The following MAG variants were observed in gnomAD, a reference collection of about 807,000 sequenced individuals.
MAG encodes the protein myelin-associated glycoprotein.
Under a neutral mutation model 60.7 loss-of-function variants are expected in MAG, and 30 were observed. The observed-to-expected ratio is 0.49, with a 90% CI of 0.37 to 0.67. The LOEUF is 0.67. Among genes scored for constraint, MAG ranks in the 30% least tolerant of loss-of-function variants. MAG has a pLI of 0.00. For synonymous variants in MAG, 384 were observed against 376.8 expected (o/e 1.02, Z -0.22); for missense variants, 795 against 851.7 (o/e 0.93, Z 0.83).
At position 35,313,457 on chromosome 19, in the gene MAG, G is replaced by C; in HGVS notation, c.*3G>C. 1.9e-6 allele frequency: 3 copies of C among 1,610,426 alleles called. No individual in the cohort carries two copies. Among genetic ancestry groups the C allele is most frequent in the Non-Finnish European group, 1.7e-6 (2 of 1,178,392 alleles). On this transcript the variant is annotated 3_prime_UTR_variant, in exon 11 of 11. Coordinates refer to ENST00000392213, the MANE Select transcript of MAG (RefSeq NM_002361.4). ...ATGCTGAAATCCGGGTCAAGTGAAG[G>C]AGCTGGGGGCAGCCTGCGTGGCTGA...
chr19:35,300,354 C>A lies in MAG; in HGVS notation c.920C>A (p.Ala307Asp), dbSNP rs766654454. The A allele has an allele frequency of 6.3e-7, 1 of 1,596,860 alleles. No individual in the cohort carries two copies. The highest frequency in any genetic ancestry group is 8.5e-7 in the Non-Finnish European group (1 of 1,178,026). ...GAAGACGGCGTCTATGCCTGCCTGG[C>A]CGAGAATGCCTATGGCCAGGACAAC... ...PAEDGVYACLAENAYGQDNRT... is the reference protein window; with the variant it reads ...PAEDGVYACLDENAYGQDNRT... The change falls in exon 6 of 11, where the codon GCC becomes GAC. Residue 307 changes from alanine to aspartate, a missense_variant. Physicochemically the swap from Ala to Asp is moderately radical, Grantham distance 126 (BLOSUM62 -2). Transcript: ENST00000392213.
In MAG at chr19:35,299,754, C is replaced by G; in HGVS notation, c.616C>G (p.Pro206Ala). Residue 206 changes from proline to alanine, a missense_variant, in exon 5 of 11, where the codon CCC becomes GCC. Transcript: ENST00000392213. ...GCAGGTGTCACTGCTGCACTTCGTG[C>G]CCACGAGGGAGGCCAACGGCCACAG... Reference protein sequence around the residue: ...WVQVSLLHFVPTREANGHRLG... With the variant: ...WVQVSLLHFVATREANGHRLG... The G allele has an allele frequency of 6.4e-7, 1 of 1,555,290 alleles. No homozygotes were observed. Among genetic ancestry groups the G allele is most frequent in the Non-Finnish European group, 8.7e-7 (1 of 1,153,088 alleles).
chr19:35,293,767 G>A lies in MAG; in HGVS notation c.-79-468G>A, dbSNP rs181906840. Among the ~76,000 whole-genome samples, 26 of 152,106 alleles carry A rather than the reference G, an allele frequency of 1.7e-4. No individual in the cohort carries two copies. In the East Asian group the frequency reaches 1.7e-3, roughly 10 times the overall value. On this transcript the variant is annotated intron_variant, in intron 1 of 10. Coordinates refer to ENST00000392213, the MANE Select transcript of MAG (RefSeq NM_002361.4). The surrounding 1 kb of genome is among the most constrained non-coding windows in gnomAD (Gnocchi z 4.0). ...CCGCAGGCTAAAACACCCTCTCCCCGAGGGAACAGGACTCTTTTGTACCGG... is the reference window on the plus strand; with the variant it reads ...CCGCAGGCTAAAACACCCTCTCCCCAAGGGAACAGGACTCTTTTGTACCGG...
chr19:35,312,006 G>C lies in MAG; in HGVS notation c.1705G>C (p.Glu569Gln), dbSNP rs2066531453. 1 of 1,612,492 alleles carries C rather than the reference G, an allele frequency of 6.2e-7. No homozygotes were observed. Among genetic ancestry groups the C allele is most frequent in the Non-Finnish European group, 8.5e-7 (1 of 1,179,232 alleles). Residue 569 changes from glutamate (E) to glutamine (Q), a missense_variant, in exon 10 of 11, where the codon GAG becomes CAG. Coordinates refer to ENST00000392213, the MANE Select transcript of MAG (RefSeq NM_002361.4). ...CGACTTCCGCATCTCTGGGGCACCA[G>C]AGAAGTACGAGGTAAGGACCAGGCT... ...SSDFRISGAP[E>Q]KYESERRLGS...
Position 35,309,884 on chromosome 19 carries a change from G to C in MAG, c.1242G>C (p.Val414=), listed in dbSNP as rs762616027. 3 of 1,610,152 alleles carry C rather than the reference G, an allele frequency of 1.9e-6. No individual in the cohort carries two copies. The highest frequency in any genetic ancestry group is 1.3e-5 in the African/African-American group (1 of 74,894). Residue 414 remains valine, a synonymous_variant, in exon 8 of 11, where the codon GTG becomes GTC. Coordinates refer to ENST00000392213, the MANE Select transcript of MAG (RefSeq NM_002361.4). ...ATTTTGCCCCTGCAGTCGCCCCTGT[G>C]CTCCTCCTGGAGTCCCACTGCGCGG... ...AFNLSVEFAP[V]LLLESHCAAA...
chr19:35,302,827 A>C (rs895024041), intron 7 of MAG, 119 bp downstream of exon 7: 3 of 1,236,258 alleles, frequency 2.4e-6, no homozygotes, highest in Non-Finnish European at 3.4e-6. Flanking sequence ...CGCAGAGACA[A>C]GGAAGGGAGG....
At chr19:35,306,238 C>A (rs1219011097) in intron 7 of MAG, among the ~76,000 whole-genome samples, 1 of 137,270 alleles carries the variant, frequency 7.3e-6, no homozygotes, top group African/African-American at 2.7e-5. Flanking sequence ...ACTAAGAGAA[C>A]AATACTGAGT....
Position 35,295,487 on chromosome 19 carries a change from C to A in MAG, c.46+33C>A. 6.2e-7 allele frequency: 1 copy of A among 1,613,628 alleles called. No homozygotes were observed. Among genetic ancestry groups the A allele is most frequent in the Non-Finnish European group, 8.5e-7 (1 of 1,179,840 alleles). On this transcript the variant is annotated intron_variant, in intron 3 of 10. Coordinates refer to ENST00000392213, the MANE Select transcript of MAG (RefSeq NM_002361.4). This position sits in a 1 kb window ranked among gnomAD's most constrained non-coding sequence, Gnocchi z 5.8. Reference sequence around the variant, plus strand: ...CTGACAGGTGCTGGGGACCTAAAGGCTTTGGCCCCTGAGCAGGTTGGAGGT... The same window carrying A: ...CTGACAGGTGCTGGGGACCTAAAGGATTTGGCCCCTGAGCAGGTTGGAGGT...
chr19:35,304,573 C>T (rs962752245), intron 7 of MAG, among the ~76,000 whole-genome samples: 1 of 152,100 alleles, frequency 6.6e-6, no homozygotes, highest in Admixed American at 6.5e-5. Context: ...CTGAGTCTCG[C>T]TCTGTCACCC....
chr19:35,302,832 G>C, intron 7 of MAG, 124 bp downstream of exon 7: 1 of 1,164,182 alleles, frequency 8.6e-7, no homozygotes, highest in Non-Finnish European at 1.2e-6. Context: ...AGACAAGGAA[G>C]GGAGGGCAGG....
chr19:35,309,962 G>A lies in MAG; in HGVS notation c.1320G>A (p.Pro440=), dbSNP rs200859170. 3 of 1,614,030 alleles carry A rather than the reference G, an allele frequency of 1.9e-6. No homozygotes were observed. Among genetic ancestry groups the A allele is most frequent in the Non-Finnish European group, 2.5e-6 (3 of 1,179,946 alleles). Residue 440 remains proline, a synonymous_variant, in exon 8 of 11, where the codon CCG becomes CCA. Transcript: ENST00000392213. ...GCGTGGTGAAGTCCAACCCGGAGCCGTCCGTGGCCTTTGAGCTGCCATCGC... is the reference window on the plus strand; with the variant it reads ...GCGTGGTGAAGTCCAACCCGGAGCCATCCGTGGCCTTTGAGCTGCCATCGC... ...CLCVVKSNPE[P]SVAFELPSRN... is the part of the protein sequence containing the mutation.
chr19:35,304,234 C>T (rs184641141), intron 7 of MAG, among the ~76,000 whole-genome samples: 27 of 152,244 alleles, frequency 1.8e-4, no homozygotes, highest in Admixed American at 1.2e-3. Flanking sequence ...GATCCTGGCG[C>T]GGGGCTGCGT....
intron 7 of MAG, among the ~76,000 whole-genome samples, chr19:35,304,229 T>C (rs1040106216): frequency 6.6e-6 from 1 of 152,170 alleles, no homozygotes; most frequent in Non-Finnish European, 1.5e-5. Flanking sequence ...GATGTGATCC[T>C]GGCGCGGGGC....
Position 35,312,022 on chromosome 19 carries a change from G to C in MAG, c.1716+5G>C, listed in dbSNP as rs375356001. The stretch of plus-strand genomic sequence containing the variant: ...GGGGCACCAGAGAAGTACGAGGTAA[G>C]GACCAGGCTCCAGGCTGGCCTGGGA... On this transcript the variant is annotated splice_donor_5th_base_variant and intron_variant, in intron 10 of 10. Transcript: ENST00000392213. 2 of 1,611,060 alleles carry C rather than the reference G, an allele frequency of 1.2e-6. No homozygotes were observed. The highest frequency in any genetic ancestry group is 1.3e-5 in the African/African-American group (1 of 74,798).
chr19:35,299,131 C>T (rs928291783), intron 4 of MAG, among the ~76,000 whole-genome samples: 1 of 152,162 alleles, frequency 6.6e-6, no homozygotes, highest in Non-Finnish European at 1.5e-5. Context: ...AGAGGAGAGC[C>T]GCTTGGGAAG....
intron 7 of MAG, among the ~76,000 whole-genome samples, chr19:35,304,233 G>A (rs1011421888): frequency 3.9e-5 from 6 of 152,204 alleles, no homozygotes; most frequent in East Asian, 1.9e-4. Context: ...TGATCCTGGC[G>A]CGGGGCTGCG....
Position 35,310,097 on chromosome 19 carries a change from C to T in MAG, c.1455C>T (p.Arg485=). Residue 485 remains arginine, a synonymous_variant, in exon 8 of 11, where the codon CGC becomes CGT. Transcript: ENST00000392213. ...TLRGQAQAPP[R]VICTARNLYG... is the part of the protein sequence containing the mutation. ...GGGGGCAGGCCCAGGCCCCGCCCCG[C>T]GTCATCTGCACCGCGAGGAACCTCT... 3 of 1,612,914 alleles carry T rather than the reference C, an allele frequency of 1.9e-6. No individual in the cohort carries two copies. Among genetic ancestry groups the T allele is most frequent in the South Asian group, 2.2e-5 (2 of 91,006 alleles).
At chr19:35,296,134 C>G (rs1008466418) in intron 4 of MAG, among the ~76,000 whole-genome samples, 153 bp downstream of exon 4, 1 of 152,178 alleles carries the variant, frequency 6.6e-6, no homozygotes, top group Non-Finnish European at 1.5e-5. Flanking sequence ...TCAAGGCCCA[C>G]GCAGACCATG....
At chr19:35,309,714 C>T in intron 7 of MAG, 160 bp from the exon 8 acceptor site, 3 of 785,436 alleles carry the variant, frequency 3.8e-6, no homozygotes, top group South Asian at 3.4e-5. Flanking sequence ...AAGGCGCTCT[C>T]AGTCAGGACA....
Sources: gnomAD v4.1 joint callset for allele counts (sites outside exome capture counted in the v4.1 genomes callset) on GRCh38, gnomAD v4.1.1 for gene constraint, Gnocchi (gnomAD v3.1) non-coding constraint, MANE v1.5 for transcripts, NCBI Gene and HGNC (gene_info 2026-07-23, HGNC 2026-07-21) for gene names.